The following ZNF831 variants were observed in gnomAD, a reference collection of about 807,000 sequenced individuals.
ZNF831 encodes the protein chromosome 20 open reading frame 174.
In ZNF831, 59 loss-of-function variants were observed where a neutral mutation model predicts 95.8. The observed-to-expected ratio is 0.62, with a 90% CI of 0.50 to 0.77. The LOEUF is 0.77. ZNF831 is among the 30% of genes least tolerant of loss of function. The probability of loss-of-function intolerance (pLI) is 0.00; values close to 1 mark genes in which losing one functional copy is unlikely to be tolerated. For synonymous variants in ZNF831, 961 were observed against 925.5 expected, an observed-to-expected ratio of 1.04 and a Z score of -0.70; for missense variants, 2,205 against 2,164.0, an observed-to-expected ratio of 1.02 and a Z score of -0.38.
intron 1 of ZNF831, among the ~76,000 whole-genome samples, chr20:59,126,726 TCAGCCACCTTGCA>T (rs1979182859): frequency 6.6e-6 from 1 of 152,238 alleles, no homozygotes; most frequent in African/African-American, 2.4e-5. Flanking sequence ...GCTGTCCGCA[TCAGCCACCTTGCA>T]CATGCTTGGT....
intron 1 of ZNF831, among the ~76,000 whole-genome samples, chr20:59,184,231 C>T (rs553050322): frequency 1.3e-5 from 2 of 152,214 alleles, no homozygotes; most frequent in African/African-American, 4.8e-5. Flanking sequence ...TTCTTTTTAT[C>T]GATGAATAAT....
intron 1 of ZNF831, among the ~76,000 whole-genome samples, chr20:59,188,436 C>A (rs1373237124): frequency 6.6e-6 from 1 of 152,078 alleles, no homozygotes; most frequent in Non-Finnish European, 1.5e-5. Flanking sequence ...TTTTTATGTG[C>A]TTTTTGGGCA....
At chr20:59,215,306 A>G (rs1373567720) in intron 4 of ZNF831, among the ~76,000 whole-genome samples, 1 of 152,254 alleles carries the variant, frequency 6.6e-6, no homozygotes, top group Non-Finnish European at 1.5e-5. Context: ...GGAGCTGAGC[A>G]TGGCCCTGTG....
At chr20:59,218,644 G>C (rs1396213556) in intron 4 of ZNF831, among the ~76,000 whole-genome samples, 1 of 151,600 alleles carries the variant, frequency 6.6e-6, no homozygotes, top group Non-Finnish European at 1.5e-5. Flanking sequence ...AATCTAACTG[G>C]CCTGGTTTGG....
chr20:59,135,796 G>C (rs571849143), intron 1 of ZNF831, among the ~76,000 whole-genome samples: 18 of 152,240 alleles, frequency 1.2e-4, no homozygotes, highest in Admixed American at 9.2e-4. Context: ...TATTAGGTTG[G>C]TGCAAAAGTA....
rs200257836 is a variant in ZNF831, at chr20:59,192,022, C to A, written c.1003C>A (p.Arg335=). 796 of 1,608,532 alleles carry A rather than the reference C, an allele frequency of 4.9e-4. 8 individuals carry two copies. In the African/African-American group the frequency reaches 9.3e-3, roughly 19 times the overall value. ...KPWDAKAPEG[R]LRKCESTDSG... ...CTGGGATGCCAAGGCCCCCGAGGGC[C>A]GGCTGCGGAAGTGTGAGAGCACCGA... The change falls in exon 2 of 6, where the codon CGG becomes AGG. Residue 335 remains arginine, a synonymous_variant. Transcript: ENST00000371030. The surrounding 1 kb of genome is among the most constrained non-coding windows in gnomAD (Gnocchi z 5.2).
chr20:59,142,963 C>G (rs1979728617), intron 1 of ZNF831, among the ~76,000 whole-genome samples: 1 of 152,154 alleles, frequency 6.6e-6, no homozygotes. Flanking sequence ...GTGGCACGAT[C>G]ATAACTCACT....
At chr20:59,147,150 C>T (rs1321061426) in intron 2 of ZNF831, 1 of 152,112 alleles carries the variant, frequency 6.6e-6, no homozygotes, top group African/African-American at 2.4e-5. Context: ...GAAAAGAGGC[C>T]GTAATGTAAT....
rs1466874713 is a variant in ZNF831, at chr20:59,192,235, G to A, written c.1216G>A (p.Glu406Lys). The A allele has an allele frequency of 1.3e-6, 2 of 1,594,630 alleles. No individual in the cohort carries two copies. The highest frequency in any genetic ancestry group is 1.7e-5 in the Admixed American group (1 of 57,866). ...GLELEKKRLE[E>K]RIAQLISHNQ... Reference sequence around the variant, plus strand: ...GGAGCTGGAGAAGAAGCGGCTGGAGGAGCGCATCGCCCAGCTCATCTCCCA... The same window carrying A: ...GGAGCTGGAGAAGAAGCGGCTGGAGAAGCGCATCGCCCAGCTCATCTCCCA... Residue 406 changes from glutamate to lysine, a missense_variant, in exon 2 of 6, where the codon GAG becomes AAG. Glu to Lys is a moderately conservative substitution (Grantham distance 56). Transcript: ENST00000371030. This position sits in a 1 kb window ranked among gnomAD's most constrained non-coding sequence, Gnocchi z 5.2.
intron 1 of ZNF831, among the ~76,000 whole-genome samples, chr20:59,124,652 G>T (rs1028637437): frequency 6.6e-6 from 1 of 152,218 alleles, no homozygotes; most frequent in Non-Finnish European, 1.5e-5. Flanking sequence ...CAAGGAGGAG[G>T]TCACGCAAGG....
At chr20:59,196,087 C>A in intron 3 of ZNF831, 82 bp downstream of exon 3, 1 of 1,533,984 alleles carries the variant, frequency 6.5e-7, no homozygotes. Flanking sequence ...TCCGTGTGCT[C>A]CAGAGAAAGA....
intron 4 of ZNF831, among the ~76,000 whole-genome samples, chr20:59,221,764 G>A (rs978859424): frequency 2.6e-5 from 4 of 152,172 alleles, no homozygotes; most frequent in Admixed American, 6.5e-5. Context: ...ATGAACAAGT[G>A]ATTTTTGTAC....
At chr20:59,174,640 AG>A (rs1342920567) in intron 1 of ZNF831, among the ~76,000 whole-genome samples, 1 of 151,736 alleles carries the variant, frequency 6.6e-6, no homozygotes, top group Non-Finnish European at 1.5e-5. Flanking sequence ...GCTTGAGCCC[AG>A]GAGGTTGAGG....
chr20:59,235,128 G>T (rs1026595842), intron 4 of ZNF831, among the ~76,000 whole-genome samples: 23 of 152,200 alleles, frequency 1.5e-4, no homozygotes, highest in African/African-American at 5.1e-4. Flanking sequence ...CCTCTACTGG[G>T]ATAGGTCTGA....
rs1165222627 is a variant in ZNF831 at position 59,254,779 on chromosome 20, CTG to C, written c.*38_*39del. ...GAAACATGGTGTCTGGTCAAAAAGACTGTTGACGCTTCACAAGTAAATGTTGT... is the reference window on the plus strand; with the variant it reads ...GAAACATGGTGTCTGGTCAAAAAGACTTGACGCTTCACAAGTAAATGTTGT... On this transcript the variant is annotated 3_prime_UTR_variant, in exon 6 of 6. Transcript: ENST00000371030. The surrounding 1 kb of genome is among the most constrained non-coding windows in gnomAD (Gnocchi z 4.5). The C allele has an allele frequency of 1.9e-6, 3 of 1,562,500 alleles. No individual in the cohort carries two copies. The highest frequency in any genetic ancestry group is 2.6e-6 in the Non-Finnish European group (3 of 1,160,030).
chr20:59,250,430 A>C (rs1987826714), intron 4 of ZNF831, among the ~76,000 whole-genome samples: 1 of 152,204 alleles, frequency 6.6e-6, no homozygotes, highest in Non-Finnish European at 1.5e-5. Flanking sequence ...AAACAGGGCA[A>C]CCACATAACC....
chr20:59,163,565 C>T (rs982324863), upstream of ZNF831, among the ~76,000 whole-genome samples: 8 of 152,156 alleles, frequency 5.3e-5, no homozygotes, highest in Non-Finnish European at 1.2e-4. Context: ...GGAAAACGAC[C>T]ACCTAGGCTC....
chr20:59,215,904 G>A (rs1206135267), intron 4 of ZNF831, among the ~76,000 whole-genome samples: 1 of 152,130 alleles, frequency 6.6e-6, no homozygotes, highest in African/African-American at 2.4e-5. Flanking sequence ...GTTCTAGCCA[G>A]AATCTGTTGT....
intron 2 of ZNF831, among the ~76,000 whole-genome samples, chr20:59,147,225 A>G (rs909520125): frequency 1.3e-5 from 2 of 152,246 alleles, no homozygotes; most frequent in Admixed American, 1.3e-4. Context: ...TGAATCAGTT[A>G]GTAAAGATCT....
Sources: gnomAD v4.1 joint callset for allele counts (sites outside exome capture counted in the v4.1 genomes callset) on GRCh38, gnomAD v4.1.1 for gene constraint, Gnocchi (gnomAD v3.1) non-coding constraint, MANE v1.5 for transcripts, NCBI Gene and HGNC (gene_info 2026-07-23, HGNC 2026-07-21) for gene names.